MAP3K2: variants seen among roughly 807,000 people sequenced by gnomAD.
The protein encoded by MAP3K2 is mitogen-activated protein kinase kinase kinase 2, also known as MAP/ERK kinase kinase 2.
Under a neutral mutation model 80.3 loss-of-function variants are expected in MAP3K2, and 24 were observed. The observed-to-expected ratio is 0.30, with a 90% CI of 0.22 to 0.42. The LOEUF (loss-of-function observed/expected upper bound fraction) is 0.42. MAP3K2 is among the 10% of genes least tolerant of loss of function. The pLI, the probability that MAP3K2 is intolerant of heterozygous loss-of-function variation, is 1.00. For synonymous variants in MAP3K2, 244 were observed against 253.7 expected, an observed-to-expected ratio of 0.96 and a Z score of 0.36; for missense variants, 608 against 750.1, an observed-to-expected ratio of 0.81 and a Z score of 2.21.
intron 1 of MAP3K2, among the ~76,000 whole-genome samples, chr2:127,352,961 A>C (rs979458814): frequency 1.3e-5 from 2 of 152,080 alleles, no homozygotes; most frequent in African/African-American, 4.8e-5. Flanking sequence ...TCGGCCTCCC[A>C]AGGTGCCGGG....
intron 13 of MAP3K2, 107 bp downstream of exon 13, chr2:127,318,062 T>G (rs961760073): frequency 2.0e-3 from 1,804 of 898,788 alleles, no homozygotes; most frequent in Middle Eastern, 2.6e-3. Context: ...TTTTTTTTTT[T>G]GAAAAAAAAT....
At chr2:127,378,356 C>T (rs897445875) in intron 1 of MAP3K2, among the ~76,000 whole-genome samples, 1 of 152,180 alleles carries the variant, frequency 6.6e-6, no homozygotes, top group Non-Finnish European at 1.5e-5. Flanking sequence ...ATCCAACATC[C>T]TTAACAAACT....
intron 1 of MAP3K2, among the ~76,000 whole-genome samples, chr2:127,366,904 CT>C (rs1255406411): frequency 7.8e-6 from 1 of 128,966 alleles, no homozygotes; most frequent in Non-Finnish European, 1.6e-5. Flanking sequence ...CAGAGTCTCG[CT>C]TTGTCACCAG....
At chr2:127,388,035 CG>C, upstream of MAP3K2, 1 of 983,146 alleles carries the variant, frequency 1.0e-6, no homozygotes, top group Non-Finnish European at 1.2e-6. Context: ...CCCCTCCGCC[CG>C]GCGGTAGCGG....
intron 1 of MAP3K2, among the ~76,000 whole-genome samples, chr2:127,344,683 T>TA (rs1686562910): frequency 6.6e-6 from 1 of 151,998 alleles, no homozygotes; most frequent in Non-Finnish European, 1.5e-5. Context: ...AAAAATTGTA[T>TA]AAAATTACCT....
At chr2:127,373,644 C>T (rs1161111576) in intron 1 of MAP3K2, among the ~76,000 whole-genome samples, 1 of 152,208 alleles carries the variant, frequency 6.6e-6, no homozygotes, top group Non-Finnish European at 1.5e-5. Context: ...ATATTCAGTT[C>T]AGCTGTTTGT....
Position 127,387,469 on chromosome 2 carries a change from C to A in MAP3K2, c.-83G>T, listed in dbSNP as rs1374372176. The A allele has an allele frequency of 1.2e-5, 12 of 985,436 alleles. No homozygotes were observed. Among genetic ancestry groups the A allele is most frequent in the Non-Finnish European group, 1.4e-5 (12 of 830,360 alleles). 61.0% of individuals were successfully genotyped at this position (985,436 alleles called of 1,614,324 possible). A position where few individuals can be genotyped will look rare whatever the true frequency, so the allele number is the denominator to read the frequency against. ...GCACGTACCGGCTGCTCCGCAGGGA[C>A]GTAGAGAGCCGCAGGCCCAAGGAGG... On this transcript the variant is annotated 5_prime_UTR_variant, in exon 1 of 17. Coordinates refer to ENST00000682094, the MANE Select transcript of MAP3K2 (RefSeq NM_001371910.2).
At chr2:127,329,635 A>G (rs1331493357) in intron 7 of MAP3K2, among the ~76,000 whole-genome samples, 3 of 152,200 alleles carry the variant, frequency 2.0e-5, no homozygotes, top group South Asian at 2.1e-4. Context: ...GATTACAGGC[A>G]TGAGCTACCG....
rs997865671 is a variant in MAP3K2, at chr2:127,321,276, T to C, written c.1045+770A>G. On this transcript the variant is annotated intron_variant, in intron 12 of 16. Transcript: ENST00000682094. The surrounding 1 kb of genome is among the most constrained non-coding windows in gnomAD (Gnocchi z 4.4). Reference sequence around the variant, plus strand: ...TCTTTGTTTATACAGATTTTGGATATATACAAAGATCTATAAAAATGAATA... The same window carrying C: ...TCTTTGTTTATACAGATTTTGGATACATACAAAGATCTATAAAAATGAATA... Among the ~76,000 whole-genome samples, 2 of 152,198 alleles carry C rather than the reference T, an allele frequency of 1.3e-5. No homozygotes were observed. The highest frequency in any genetic ancestry group is 4.8e-5 in the African/African-American group (2 of 41,454).
In MAP3K2 at chr2:127,304,798, A is replaced by AC. The variant is rs1685664831; in HGVS notation, c.*2780dup. ...TTGGTCTTCCATACCCTCCACCCCC[A>AC]CACCTTCAAGCTTTTTTGTTCTAGT... On this transcript the variant is annotated 3_prime_UTR_variant, in exon 17 of 17. Transcript: ENST00000682094. 6.6e-6 allele frequency: 1 copy of AC among 152,362 alleles called. No individual in the cohort carries two copies. Among genetic ancestry groups the AC allele is most frequent in the Admixed American group, 6.6e-5 (1 of 15,232 alleles). The allele number at this position is 152,362 out of a possible 1,614,324, so 9.4% of individuals were successfully genotyped here. A position where few individuals can be genotyped will look rare whatever the true frequency, so the allele number is the denominator to read the frequency against.
Position 127,307,909 on chromosome 2 carries a change from T to C in MAP3K2, c.1635-105A>G, listed in dbSNP as rs1685733185. 1 of 667,848 alleles carries C rather than the reference T, an allele frequency of 1.5e-6. No homozygotes were observed. The highest frequency in any genetic ancestry group is 2.8e-5 in the East Asian group (1 of 35,408). The allele number at this position is 667,848 out of a possible 1,614,324, so 41.4% of individuals were successfully genotyped here. ...CATTAAGTCCATATATATTTAAATA[T>C]GACTTAATTTCAAGTTCAAAGTTTC... On this transcript the variant is annotated intron_variant, in intron 16 of 16. Transcript: ENST00000682094. This position sits in a 1 kb window ranked among gnomAD's most constrained non-coding sequence, Gnocchi z 5.4.
intron 1 of MAP3K2, among the ~76,000 whole-genome samples, chr2:127,369,449 G>C (rs1452774595): frequency 8.4e-6 from 1 of 118,570 alleles, no homozygotes; most frequent in African/African-American, 3.2e-5. Flanking sequence ...TGGCTAACAC[G>C]GTGAAACCCC....
chr2:127,314,919 A>G (rs746596802), intron 14 of MAP3K2, 36 bp from the exon 15 acceptor site: 12 of 1,491,572 alleles, frequency 8.0e-6, no homozygotes, highest in East Asian at 2.3e-5. Flanking sequence ...AAACTACTGT[A>G]TATGGTTTGA....
intron 1 of MAP3K2, among the ~76,000 whole-genome samples, chr2:127,374,987 A>G (rs1687124783): frequency 6.6e-6 from 1 of 152,262 alleles, no homozygotes; most frequent in South Asian, 2.1e-4. Context: ...TTTACCCTTA[A>G]TTTTTAAAAT....
chr2:127,366,413 A>G (rs1686973020), intron 1 of MAP3K2, among the ~76,000 whole-genome samples: 1 of 151,820 alleles, frequency 6.6e-6, no homozygotes, highest in Non-Finnish European at 1.5e-5. Context: ...CAACAAAACA[A>G]AACAAAAAGA....
Position 127,345,044 on chromosome 2 carries a change from G to C in MAP3K2, c.-65-1850C>G, listed in dbSNP as rs569168724. ...CACACCCAGCTGATTTTTAAAAAAAGATTTTGTACAGATTACCCAGACTGG... is the reference window on the plus strand; with the variant it reads ...CACACCCAGCTGATTTTTAAAAAAACATTTTGTACAGATTACCCAGACTGG... On this transcript the variant is annotated intron_variant, in intron 1 of 16. Transcript: ENST00000682094. Among the ~76,000 whole-genome samples the C allele has an allele frequency of 1.8e-4, 27 of 152,228 alleles. 1 individual carries two copies. The South Asian group carries it at 5.6e-3, about 32-fold the overall frequency.
At chr2:127,362,825 T>C (rs1361375390) in intron 1 of MAP3K2, among the ~76,000 whole-genome samples, 1 of 152,160 alleles carries the variant, frequency 6.6e-6, no homozygotes. Context: ...CAGAGCAGAG[T>C]GAACATTTAA....
intron 12 of MAP3K2, 149 bp from the exon 13 acceptor site, chr2:127,318,466 C>A: frequency 3.6e-6 from 2 of 555,136 alleles, no homozygotes; most frequent in Non-Finnish European, 2.7e-6. Flanking sequence ...TCACAGTTAC[C>A]GTCTTTCAAA....
Position 127,335,968 on chromosome 2 carries a change from T to C in MAP3K2, c.166A>G (p.Ile56Val). 2 of 1,523,736 alleles carry C rather than the reference T, an allele frequency of 1.3e-6. No homozygotes were observed. Among genetic ancestry groups the C allele is most frequent in the Non-Finnish European group, 1.8e-6 (2 of 1,118,870 alleles). The allele number at this position is 1,523,736 out of a possible 1,614,324, so 94.4% of individuals were successfully genotyped here. ...VKFEHRGEKRILQFPRPVKLE... is the reference protein window; with the variant it reads ...VKFEHRGEKRVLQFPRPVKLE... ...TTAACTGGTCTGGGGAACTGAAGGA[T>C]TCTATATAAACACAATTTTAAGATT... The change falls in exon 5 of 17, where the codon ATC becomes GTC. Residue 56 changes from isoleucine to valine, a missense_variant and splice_region_variant. Transcript: ENST00000682094.
Sources: gnomAD v4.1 joint callset for allele counts (sites outside exome capture counted in the v4.1 genomes callset) on GRCh38, gnomAD v4.1.1 for gene constraint, Gnocchi (gnomAD v3.1) non-coding constraint, MANE v1.5 for transcripts, NCBI Gene and HGNC (gene_info 2026-07-23, HGNC 2026-07-21) for gene names.